Variants in VPS13B observed in about 807,000 individuals in gnomAD.
The protein encoded by VPS13B is vacuolar protein sorting 13 homolog B.
In VPS13B, 285 loss-of-function variants were observed where a neutral mutation model predicts 426.4. That is an observed-to-expected ratio of 0.67 (90% CI 0.61 to 0.74). The LOEUF is 0.74. VPS13B is among the 30% of genes least tolerant of loss of function. VPS13B has a pLI of 0.00. For missense variants in VPS13B, 4,537 were observed against 4,782.6 expected (o/e 0.95, Z 1.51); for synonymous variants, 1,676 against 1,676.4 (o/e 1.00, Z 0.01).
chr8:99,519,367 G>T (rs1822251598), intron 29 of VPS13B, among the ~76,000 whole-genome samples: 1 of 152,180 alleles, frequency 6.6e-6, no homozygotes, highest in Non-Finnish European at 1.5e-5. Context: ...CTGTAAACTA[G>T]TTCTACCATT....
intron 30 of VPS13B, among the ~76,000 whole-genome samples, chr8:99,531,381 T>C (rs1414851411): frequency 1.3e-5 from 2 of 152,220 alleles, no homozygotes; most frequent in Non-Finnish European, 2.9e-5. Flanking sequence ...ATGTTGTATC[T>C]GATTAACAAA....
chr8:99,297,588 G>C (rs1219221423), intron 19 of VPS13B, among the ~76,000 whole-genome samples: 1 of 151,884 alleles, frequency 6.6e-6, no homozygotes, highest in Non-Finnish European at 1.5e-5. Flanking sequence ...TCATTTTACT[G>C]TTCTGATAAA....
Position 99,778,980 on chromosome 8 carries a change from T to C in VPS13B, c.7728T>C (p.Leu2576=). Residue 2576 remains leucine (L), a synonymous_variant, in exon 42 of 62, where the codon CTT becomes CTC. Coordinates refer to ENST00000357162, the MANE Select transcript of VPS13B (RefSeq NM_152564.5). The part of the protein sequence containing the change: ...TVIVDSVFVN[L]GQHVVHSLNT... Reference sequence around the variant, plus strand: ...TAGTTGATTCTGTATTTGTAAACCTTGGACAGCATGTAGTCCATTCACTAA... The same window carrying C: ...TAGTTGATTCTGTATTTGTAAACCTCGGACAGCATGTAGTCCATTCACTAA... The C allele has an allele frequency of 6.2e-7, 1 of 1,613,914 alleles. No homozygotes were observed. Among genetic ancestry groups the C allele is most frequent in the East Asian group, 2.2e-5 (1 of 44,862 alleles).
At chr8:99,635,370 G>A (rs755398112) in intron 33 of VPS13B, among the ~76,000 whole-genome samples, 2 of 151,802 alleles carry the variant, frequency 1.3e-5, no homozygotes, top group Non-Finnish European at 2.9e-5. Context: ...CTCATAATTG[G>A]CAAAATATAT....
intron 21 of VPS13B, among the ~76,000 whole-genome samples, chr8:99,428,771 C>G (rs1338293960): frequency 6.6e-6 from 1 of 152,164 alleles, no homozygotes; most frequent in African/African-American, 2.4e-5. Flanking sequence ...CCCAGCCATC[C>G]ATTACTTGGT....
intron 8 of VPS13B, 46 bp from the exon 9 acceptor site, chr8:99,134,586 T>C (rs1809973582): frequency 7.1e-7 from 1 of 1,413,756 alleles, no homozygotes; most frequent in Non-Finnish European, 9.9e-7. Context: ...AATTTATTGC[T>C]CTTTAATACT....
intron 29 of VPS13B, among the ~76,000 whole-genome samples, chr8:99,516,219 C>T (rs1373908492): frequency 1.3e-5 from 2 of 152,114 alleles, no homozygotes; most frequent in Non-Finnish European, 2.9e-5. Context: ...GGTCAGAAAA[C>T]AAATTTTTAT....
chr8:99,617,203 T>A (rs1179979858), intron 33 of VPS13B, among the ~76,000 whole-genome samples: 1 of 152,230 alleles, frequency 6.6e-6, no homozygotes, highest in Non-Finnish European at 1.5e-5. Context: ...AAATAATTTC[T>A]CACATAGATG....
chr8:99,345,734 A>G (rs1366588935), intron 19 of VPS13B, among the ~76,000 whole-genome samples: 1 of 152,210 alleles, frequency 6.6e-6, no homozygotes. Context: ...AGGCAGGAGA[A>G]AAAGTTCTTT....
intron 39 of VPS13B, among the ~76,000 whole-genome samples, chr8:99,724,672 G>A (rs1215746290): frequency 6.6e-6 from 1 of 152,092 alleles, no homozygotes; most frequent in Non-Finnish European, 1.5e-5. Context: ...CACATAGTGA[G>A]CTCTTAATAA....
At chr8:99,332,633 A>G (rs567368656) in intron 19 of VPS13B, among the ~76,000 whole-genome samples, 1 of 151,760 alleles carries the variant, frequency 6.6e-6, no homozygotes, top group Admixed American at 6.6e-5. Context: ...GTCATAGGCT[A>G]TTCTTCAGAA....
At chr8:99,679,442 C>T (rs1831068070) in intron 35 of VPS13B, among the ~76,000 whole-genome samples, 1 of 152,076 alleles carries the variant, frequency 6.6e-6, no homozygotes, top group African/African-American at 2.4e-5. Context: ...ATAATTAGAA[C>T]TTTTGTGTTG....
chr8:99,260,862 C>T (rs1468850751), intron 17 of VPS13B, among the ~76,000 whole-genome samples: 1 of 151,990 alleles, frequency 6.6e-6, no homozygotes, highest in African/African-American at 2.4e-5. Flanking sequence ...CTTATTCCCA[C>T]ATTTGGAATT....
intron 61 of VPS13B, among the ~76,000 whole-genome samples, chr8:99,874,251 CCAG>C (rs1210979226): frequency 6.6e-6 from 1 of 152,170 alleles, no homozygotes; most frequent in Non-Finnish European, 1.5e-5. Flanking sequence ...TCAAAGCTTT[CCAG>C]CTGAATTCTG....
At chr8:99,744,788 G>A (rs942374832) in intron 39 of VPS13B, among the ~76,000 whole-genome samples, 9 of 151,574 alleles carry the variant, frequency 5.9e-5, no homozygotes, top group African/African-American at 2.2e-4. Context: ...CATGGACACA[G>A]GAAGGGGAAC....
At chr8:99,780,575 T>C (rs1325663702) in intron 42 of VPS13B, among the ~76,000 whole-genome samples, 1 of 152,136 alleles carries the variant, frequency 6.6e-6, no homozygotes, top group Non-Finnish European at 1.5e-5. Flanking sequence ...AATTGTATAT[T>C]TGATTAAGTA....
intron 19 of VPS13B, among the ~76,000 whole-genome samples, chr8:99,296,113 T>C (rs1178982252): frequency 6.6e-6 from 1 of 152,206 alleles, no homozygotes; most frequent in Admixed American, 6.5e-5. Flanking sequence ...TTGAAAAATT[T>C]TATGCTGAAC....
At chr8:99,300,386 T>A (rs921705643) in intron 19 of VPS13B, among the ~76,000 whole-genome samples, 2 of 152,242 alleles carry the variant, frequency 1.3e-5, no homozygotes, top group African/African-American at 4.8e-5. Flanking sequence ...TAAAAGAATA[T>A]ATATTTCTCA....
chr8:99,483,525 T>C (rs900326089), intron 25 of VPS13B, among the ~76,000 whole-genome samples: 1 of 152,202 alleles, frequency 6.6e-6, no homozygotes, highest in Non-Finnish European at 1.5e-5. Context: ...ATTAACACTT[T>C]ACAAAATATA....
Sources: allele counts gnomAD v4.1 joint callset (sites outside exome capture counted in the v4.1 genomes callset), GRCh38; gene constraint gnomAD v4.1.1; transcripts MANE v1.5; gene names NCBI Gene and HGNC (gene_info 2026-07-23, HGNC 2026-07-21).